The following RBMS3 variants were observed in gnomAD, a reference collection of about 807,000 sequenced individuals.
RBMS3 encodes the protein RNA binding motif single stranded interacting protein 3.
A neutral mutation model predicts 66.8 loss-of-function variants in RBMS3; 27 were observed. The ratio of observed to expected loss-of-function variants is 0.40; its 90% CI spans 0.30 to 0.56. RBMS3 has a LOEUF of 0.56. Ranked by LOEUF, RBMS3 falls within the 20% of genes least tolerant of loss-of-function variation. RBMS3 has a pLI of 0.40. For synonymous variants in RBMS3, 188 were observed against 183.0 expected, an observed-to-expected ratio of 1.03 and a Z score of -0.22; for missense variants, 513 against 549.5, an observed-to-expected ratio of 0.93 and a Z score of 0.66.
intron 12 of RBMS3, among the ~76,000 whole-genome samples, chr3:29,954,987 C>T (rs1695933403): frequency 6.6e-6 from 1 of 152,058 alleles, no homozygotes; most frequent in Admixed American, 6.6e-5. Context: ...GATCAGATTT[C>T]TGAATCTAAA....
At chr3:29,541,561 A>T (rs1576170645) in intron 3 of RBMS3, among the ~76,000 whole-genome samples, 1 of 152,252 alleles carries the variant, frequency 6.6e-6, no homozygotes, top group South Asian at 2.1e-4. Flanking sequence ...GTGTAAGCGC[A>T]GGTGTCTGTC....
intron 3 of RBMS3, among the ~76,000 whole-genome samples, chr3:29,577,875 GGGATTGCTCA>G (rs1262016020): frequency 6.6e-6 from 1 of 152,158 alleles, no homozygotes; most frequent in African/African-American, 2.4e-5. Context: ...ATTAGGTACT[GGGATTGCTCA>G]CCTGAGTTTT....
At chr3:29,465,224 G>A (rs896258838) in intron 2 of RBMS3, among the ~76,000 whole-genome samples, 4 of 152,110 alleles carry the variant, frequency 2.6e-5, no homozygotes, top group Admixed American at 1.3e-4. Context: ...GTTCTAAAAA[G>A]CCACAGAAGA....
intron 5 of RBMS3, among the ~76,000 whole-genome samples, chr3:29,749,117 A>G (rs757030583): frequency 6.6e-6 from 1 of 152,222 alleles, no homozygotes; most frequent in Non-Finnish European, 1.5e-5. Flanking sequence ...AAAAGAGAAC[A>G]TGTATTCCAA....
chr3:29,915,608 C>T (rs139202736), intron 10 of RBMS3, among the ~76,000 whole-genome samples: 280 of 152,050 alleles, frequency 1.8e-3, no homozygotes, highest in Middle Eastern at 0.01. Flanking sequence ...TTTAACTTTC[C>T]TTCATGTCTT....
At position 29,900,242 on chromosome 3, in the gene RBMS3, G is replaced by A. The variant is rs572524883; in HGVS notation, c.939+487G>A. 2.5e-4 allele frequency among the ~76,000 whole-genome samples: 38 copies of A among 151,818 alleles called. No individual in the cohort carries two copies. The South Asian group carries it at 7.3e-3, about 29-fold the overall frequency. On this transcript the variant is annotated intron_variant, in intron 10 of 14. Coordinates refer to ENST00000383767, the MANE Select transcript of RBMS3 (RefSeq NM_001003793.3). ...TATCATAGACAAGTTTTGACTTGAAGCAATATATTTCAAATATGAAGGTAG... is the reference window on the plus strand; with the variant it reads ...TATCATAGACAAGTTTTGACTTGAAACAATATATTTCAAATATGAAGGTAG...
In RBMS3 at chr3:29,881,828, A is replaced by G. The variant is rs145946848; in HGVS notation, c.745-2334A>G. ...AAAAGAATGTTCAAGACAGTTTGTA[A>G]TTCAGGAGGGGCTAGATAGCATTGG... is the stretch of plus-strand genomic sequence containing the variant. On this transcript the variant is annotated intron_variant, in intron 7 of 14. Transcript: ENST00000383767. Among the ~76,000 whole-genome samples, 46 of 152,266 alleles carry G rather than the reference A, an allele frequency of 3.0e-4. No individual in the cohort carries two copies. The East Asian group carries it at 5.4e-3, about 18-fold the overall frequency.
Position 29,444,788 on chromosome 3 carries a change from C to CTTTTTTTTTTTTTTTTTTTTTTTTTTTT in RBMS3, c.248+9897_248+9898insTTTTTTTTTTTTTTTTTTTTTTTTTTTT, listed in dbSNP as rs558839351. On this transcript the variant is annotated intron_variant, in intron 2 of 14. Transcript: ENST00000383767. ...AATTCTTTCAAGCGGAAATATATGC[C>CTTTTTTTTTTTTTTTTTTTTTTTTTTTT]TTTTTTTTTTTTTTTTTTTTTTTTG... Among the ~76,000 whole-genome samples, 35 of 50,500 alleles carry CTTTTTTTTTTTTTTTTTTTTTTTTTTTT rather than the reference C, an allele frequency of 6.9e-4. 6 individuals are homozygous for CTTTTTTTTTTTTTTTTTTTTTTTTTTTT. The highest frequency in any genetic ancestry group is 1.9e-3 in the East Asian group (2 of 1,076). 33.1% of individuals were successfully genotyped at this position (50,500 alleles called of 152,430 possible). A position where few individuals can be genotyped will look rare whatever the true frequency, so the allele number is the denominator to read the frequency against.
chr3:29,396,631 CAAAT>C (rs1408901737), intron 1 of RBMS3, among the ~76,000 whole-genome samples: 7 of 152,152 alleles, frequency 4.6e-5, no homozygotes, highest in East Asian at 1.9e-4. Context: ...GTTAGATGGA[CAAAT>C]AAATCTAGAT....
chr3:29,751,505 C>CA (rs1231848906), intron 5 of RBMS3, among the ~76,000 whole-genome samples: 3 of 152,142 alleles, frequency 2.0e-5, no homozygotes, highest in Non-Finnish European at 4.4e-5. Context: ...TAATTTTAGA[C>CA]AACTTGAACA....
chr3:29,568,103 A>G (rs2046810536), intron 3 of RBMS3, among the ~76,000 whole-genome samples: 1 of 152,172 alleles, frequency 6.6e-6, no homozygotes, highest in African/African-American at 2.4e-5. Flanking sequence ...AATTTGCATA[A>G]TACATTTATT....
At chr3:29,472,461 G>T (rs2125801065) in intron 2 of RBMS3, among the ~76,000 whole-genome samples, 1 of 152,274 alleles carries the variant, frequency 6.6e-6, no homozygotes, top group East Asian at 1.9e-4. Context: ...CTCCCACAGT[G>T]CTAGTGTGTC....
intron 8 of RBMS3, 135 bp from the exon 9 acceptor site, chr3:29,897,244 A>G (rs2060143295): frequency 1.4e-6 from 1 of 701,280 alleles, no homozygotes; most frequent in Non-Finnish European, 2.5e-6. Context: ...TAAATCTCCT[A>G]GACGTTCTTG....
At chr3:29,648,114 C>T (rs1481658000) in intron 4 of RBMS3, among the ~76,000 whole-genome samples, 2 of 151,994 alleles carry the variant, frequency 1.3e-5, no homozygotes, top group Non-Finnish European at 2.9e-5. Flanking sequence ...CAATCTTAAA[C>T]CCTGATGTTG....
chr3:29,639,056 C>G (rs1451068942), intron 4 of RBMS3, among the ~76,000 whole-genome samples: 1 of 151,444 alleles, frequency 6.6e-6, no homozygotes, highest in Non-Finnish European at 1.5e-5. Flanking sequence ...AAATTATTTA[C>G]TCTGGTTTAC....
chr3:29,879,915 G>T (rs2059697878), intron 7 of RBMS3, among the ~76,000 whole-genome samples: 1 of 152,206 alleles, frequency 6.6e-6, no homozygotes, highest in Non-Finnish European at 1.5e-5. Context: ...AAGTAGCAAT[G>T]CCTGGTTCCT....
In RBMS3 at chr3:29,936,121, G is replaced by C. The variant is rs1180715225; in HGVS notation, c.975G>C (p.Met325Ile). ...AVITPTMDHPMSMQPANMMGP... is the reference protein window; with the variant it reads ...AVITPTMDHPISMQPANMMGP... ...TTACACCAACCATGGACCATCCCAT[G>C]TCAATGCAGCCAGCCAACATGATGG... Residue 325 changes from methionine (M) to isoleucine (I), a missense_variant, in exon 11 of 15, where the codon ATG becomes ATC. Met to Ile is a conservative substitution (Grantham distance 10). Transcript: ENST00000383767. 3 of 1,613,192 alleles carry C rather than the reference G, an allele frequency of 1.9e-6. No individual in the cohort carries two copies. Among genetic ancestry groups the C allele is most frequent in the Non-Finnish European group, 2.5e-6 (3 of 1,179,530 alleles).
intron 2 of RBMS3, among the ~76,000 whole-genome samples, chr3:29,484,788 T>C (rs1275695526): frequency 1.3e-5 from 2 of 152,114 alleles, no homozygotes; most frequent in Non-Finnish European, 2.9e-5. Context: ...TGCCAAAGAA[T>C]GAATGAGCCA....
chr3:29,869,152 A>G (rs1338673240), intron 7 of RBMS3, among the ~76,000 whole-genome samples, 188 bp downstream of exon 7: 1 of 152,156 alleles, frequency 6.6e-6, no homozygotes, highest in African/African-American at 2.4e-5. Context: ...GAGGATTTCA[A>G]ATTTAACCTC....
Sources: gnomAD v4.1 joint callset for allele counts (sites outside exome capture counted in the v4.1 genomes callset) on GRCh38, gnomAD v4.1.1 for gene constraint, MANE v1.5 for transcripts, NCBI Gene and HGNC (gene_info 2026-07-23, HGNC 2026-07-21) for gene names.